Variants in TRERF1 observed in about 807,000 individuals in gnomAD.
TRERF1 encodes the protein transcriptional regulating factor 1.
In TRERF1, 27 loss-of-function variants were observed where a neutral mutation model predicts 122.9. The observed-to-expected ratio is 0.22, with a 90% CI of 0.16 to 0.30. The LOEUF (loss-of-function observed/expected upper bound fraction) is 0.30. Ranked by LOEUF, TRERF1 falls within the 10% of genes least tolerant of loss-of-function variation. The pLI, the probability that TRERF1 is intolerant of heterozygous loss-of-function variation, is 1.00. For synonymous variants in TRERF1, 636 were observed against 641.7 expected (o/e 0.99, Z 0.13); for missense variants, 1,248 against 1,560.3 (o/e 0.80, Z 3.37).
chr6:42,435,067 G>A (rs1287700068), intron 2 of TRERF1, among the ~76,000 whole-genome samples: 1 of 151,790 alleles, frequency 6.6e-6, no homozygotes, highest in Non-Finnish European at 1.5e-5. Context: ...GGAGGCAGAG[G>A]TTGCAGTGAG....
intron 2 of TRERF1, among the ~76,000 whole-genome samples, chr6:42,387,798 T>A (rs1020250071): frequency 6.6e-6 from 1 of 151,644 alleles, no homozygotes; most frequent in Non-Finnish European, 1.5e-5. Context: ...CTACCTTTTT[T>A]ATTTTATTTT....
chr6:42,325,400 A>G (rs1333377626), intron 3 of TRERF1, among the ~76,000 whole-genome samples: 1 of 152,238 alleles, frequency 6.6e-6, no homozygotes, highest in East Asian at 1.9e-4. Context: ...CAATCCTATT[A>G]CTGGATATAT....
At chr6:42,325,377 C>T (rs924341044) in intron 3 of TRERF1, among the ~76,000 whole-genome samples, 2 of 152,130 alleles carry the variant, frequency 1.3e-5, no homozygotes, top group African/African-American at 2.4e-5. Flanking sequence ...AATATAACTA[C>T]CATTCAACTC....
At chr6:42,301,997 G>T (rs969270413) in intron 3 of TRERF1, among the ~76,000 whole-genome samples, 9 of 152,304 alleles carry the variant, frequency 5.9e-5, no homozygotes, top group Non-Finnish European at 1.0e-4. Context: ...ATAGGTGGTG[G>T]CACCCACCTG....
intron 3 of TRERF1, among the ~76,000 whole-genome samples, chr6:42,335,544 G>A (rs560711036): frequency 4.6e-5 from 7 of 152,324 alleles, no homozygotes; most frequent in African/African-American, 1.7e-4. Flanking sequence ...TGCTTGGCAG[G>A]GTTAGCCAGG....
rs143602786 is a variant in TRERF1, at chr6:42,361,447, T to A, written c.-371+1550A>T. Among the ~76,000 whole-genome samples the A allele has an allele frequency of 6.1e-4, 93 of 152,350 alleles. 1 individual carries two copies. In the East Asian group the frequency reaches 0.017, roughly 27 times the overall value. On this transcript the variant is annotated intron_variant, in intron 3 of 17. Transcript: ENST00000372922. ...TTGGGTTTTTTTGTTTGTTTGTTTT[T>A]AAACTGTTTCAAATGTTTTGTGTTG... is the stretch of plus-strand genomic sequence containing the variant.
chr6:42,264,204 T>C (rs1457331350), intron 7 of TRERF1, among the ~76,000 whole-genome samples: 1 of 152,242 alleles, frequency 6.6e-6, no homozygotes, highest in Non-Finnish European at 1.5e-5. Context: ...GTGGATAGTT[T>C]ACTATCTGGA....
At position 42,247,402 on chromosome 6, in the gene TRERF1, A is replaced by C. The variant is rs77672456; in HGVS notation, c.2657-858T>G. On this transcript the variant is annotated intron_variant, in intron 13 of 17. Coordinates refer to ENST00000372922, the Ensembl canonical transcript of TRERF1. ...CAGGTTCTAAGTACTTCAGTTATTC[A>C]TCATTAGGTTCTACTAACAATCCTG... Among the ~76,000 whole-genome samples, 375 of 152,354 alleles carry C rather than the reference A, an allele frequency of 2.5e-3. 2 individuals are homozygous for C. The highest frequency in any genetic ancestry group is 7.8e-3 in the African/African-American group (324 of 41,586).
chr6:42,404,913 G>A (rs1453641602), intron 2 of TRERF1, among the ~76,000 whole-genome samples: 1 of 152,070 alleles, frequency 6.6e-6, no homozygotes, highest in Non-Finnish European at 1.5e-5. Flanking sequence ...GAGATTGAAG[G>A]GTCACTAAAA....
intron 2 of TRERF1, among the ~76,000 whole-genome samples, chr6:42,388,377 G>T (rs912337220): frequency 6.6e-6 from 1 of 151,966 alleles, no homozygotes; most frequent in East Asian, 1.9e-4. Context: ...AGAAGACTAG[G>T]AAAAATACGA....
At chr6:42,388,221 TTTC>T (rs1354030076) in intron 2 of TRERF1, among the ~76,000 whole-genome samples, 4 of 149,250 alleles carry the variant, frequency 2.7e-5, no homozygotes, top group Non-Finnish European at 5.9e-5. Flanking sequence ...TTTTGATTTC[TTTC>T]TTTTTTTTTT....
chr6:42,450,967 C>T (rs931038451), intron 2 of TRERF1, among the ~76,000 whole-genome samples: 2 of 152,112 alleles, frequency 1.3e-5, no homozygotes, highest in Non-Finnish European at 2.9e-5. Flanking sequence ...CCCACCTCAT[C>T]CCTCCCCCTT....
chr6:42,371,784 T>C (rs546186563), intron 2 of TRERF1, among the ~76,000 whole-genome samples: 2 of 152,274 alleles, frequency 1.3e-5, no homozygotes, highest in Non-Finnish European at 2.9e-5. Context: ...TCCCCCCACA[T>C]TGTGCTTGTA....
intron 4 of TRERF1, among the ~76,000 whole-genome samples, chr6:42,289,943 T>A (rs1784013378): frequency 6.6e-6 from 1 of 152,124 alleles, no homozygotes; most frequent in African/African-American, 2.4e-5. Context: ...GAGTCAGATG[T>A]GACCTAGATG....
chr6:42,376,128 A>C (rs1562092225), intron 2 of TRERF1, among the ~76,000 whole-genome samples: 1 of 152,168 alleles, frequency 6.6e-6, no homozygotes, highest in African/African-American at 2.4e-5. Context: ...ATCAGTGTGA[A>C]GGGGGCCTGG....
rs537577626 is a variant in TRERF1, at chr6:42,442,214, G to A, written c.-454+8963C>T. 6.6e-5 allele frequency among the ~76,000 whole-genome samples: 10 copies of A among 151,960 alleles called. No homozygotes were observed. In the South Asian group the frequency reaches 2.1e-3, roughly 32 times the overall value. ...TAATGACAACAGAGGGAACTCAAACGACACTCCTATTAAAACTCCTTGGGC... is the reference window on the plus strand; with the variant it reads ...TAATGACAACAGAGGGAACTCAAACAACACTCCTATTAAAACTCCTTGGGC... On this transcript the variant is annotated intron_variant, in intron 2 of 17. Transcript: ENST00000372922.
At chr6:42,305,995 C>CCTTT (rs1787146278) in intron 3 of TRERF1, among the ~76,000 whole-genome samples, 1 of 69,466 alleles carries the variant, frequency 1.4e-5, no homozygotes, top group Admixed American at 2.4e-4. Context: ...AATATCTCTC[C>CCTTT]TTTTTTTTTT....
chr6:42,376,646 G>A (rs1343949299), intron 2 of TRERF1, among the ~76,000 whole-genome samples: 1 of 148,204 alleles, frequency 6.7e-6, no homozygotes, highest in Non-Finnish European at 1.5e-5. Flanking sequence ...GGGTTCAAGC[G>A]ATTCTCCTTT....
intron 2 of TRERF1, among the ~76,000 whole-genome samples, chr6:42,376,867 A>C (rs543795110): frequency 1.4e-5 from 2 of 146,316 alleles, no homozygotes; most frequent in South Asian, 4.4e-4. Context: ...TAAAAAATAA[A>C]AACAATTTTT....
Sources: allele counts gnomAD v4.1 joint callset (sites outside exome capture counted in the v4.1 genomes callset), GRCh38; gene constraint gnomAD v4.1.1; transcripts MANE v1.5; gene names NCBI Gene and HGNC (gene_info 2026-07-23, HGNC 2026-07-21).